Variants in LPL observed in about 807,000 individuals in gnomAD.
The protein encoded by LPL is lipoprotein lipase.
A neutral mutation model predicts 52.2 loss-of-function variants in LPL; 43 were observed. The observed-to-expected ratio is 0.82, with a 90% CI of 0.64 to 1.06. The LOEUF is 1.06. Ranked by LOEUF, LPL falls within the 50% of genes least tolerant of loss-of-function variation. LPL has a pLI of 0.00. For synonymous variants in LPL, 244 were observed against 215.6 expected (o/e 1.13, Z -1.15); for missense variants, 639 against 585.3 (o/e 1.09, Z -0.95).
chr8:19,951,627 T>C (rs2069934742), intron 2 of LPL, 142 bp from the exon 3 acceptor site: 3 of 914,464 alleles, frequency 3.3e-6, no homozygotes, highest in African/African-American at 3.2e-5. Context: ...CTGAACACTG[T>C]TCTGTTATTT....
intron 2 of LPL, 93 bp downstream of exon 2, chr8:19,948,433 C>A: frequency 2.9e-6 from 4 of 1,377,434 alleles, no homozygotes; most frequent in Non-Finnish European, 3.0e-6. Context: ...TGGGTCCGCA[C>A]CCCACATCTC....
chr8:19,953,277 T>G, intron 3 of LPL, 33 bp from the exon 4 acceptor site: 1 of 1,326,898 alleles, frequency 7.5e-7, no homozygotes, highest in Non-Finnish European at 1.1e-6. Flanking sequence ...TTGGCAGAAC[T>G]GTAAGCACCT....
chr8:19,940,939 A>G (rs1563563394), intron 1 of LPL, among the ~76,000 whole-genome samples: 1 of 151,608 alleles, frequency 6.6e-6, no homozygotes, highest in Non-Finnish European at 1.5e-5. Context: ...AAAAAAAAAT[A>G]CAAAAATTAG....
chr8:19,949,703 G>A (rs764563432), intron 2 of LPL, among the ~76,000 whole-genome samples: 1 of 152,104 alleles, frequency 6.6e-6, no homozygotes, highest in African/African-American at 2.4e-5. Context: ...GGCTGGTCTC[G>A]AACTCCTGAC....
intron 2 of LPL, among the ~76,000 whole-genome samples, chr8:19,948,870 G>A (rs6991305): frequency 0.011 from 1,603 of 151,670 alleles, 29 homozygotes; most frequent in African/African-American, 0.037. Context: ...TGCACTAGAT[G>A]TCCCTAAAAA....
rs1391147126 is a variant in LPL at position 19,950,649 on chromosome 8, A to G, written c.250-1120A>G. Among the ~76,000 whole-genome samples, 1 of 152,078 alleles carries G rather than the reference A, an allele frequency of 6.6e-6. No homozygotes were observed. Among genetic ancestry groups the G allele is most frequent in the East Asian group, 1.9e-4 (1 of 5,176 alleles). On this transcript the variant is annotated intron_variant, in intron 2 of 9. Transcript: ENST00000650287. This position sits in a 1 kb window ranked among gnomAD's most constrained non-coding sequence, Gnocchi z 4.2. The stretch of plus-strand genomic sequence containing the variant: ...ACCCAATCTCTACTAAAAAAATACA[A>G]AAAAATTAGCCAGGTGTGGTGGTAT...
At chr8:19,947,192 AT>A (rs1394028365) in intron 1 of LPL, among the ~76,000 whole-genome samples, 9 of 152,120 alleles carry the variant, frequency 5.9e-5, no homozygotes, top group Non-Finnish European at 1.0e-4. Flanking sequence ...TCTTTAAAAA[AT>A]TTTTTTTAAA....
chr8:19,940,841 A>G lies in LPL; in HGVS notation c.88+1313A>G, dbSNP rs879881473. 2.0e-4 allele frequency among the ~76,000 whole-genome samples: 31 copies of G among 152,242 alleles called. 2 individuals are homozygous for G. The highest frequency in any genetic ancestry group is 3.8e-4 in the Non-Finnish European group (26 of 68,040). On this transcript the variant is annotated intron_variant, in intron 1 of 9. Coordinates refer to ENST00000650287, the MANE Select transcript of LPL (RefSeq NM_000237.3). ...AGCAGTGGCTCACCCATGTAGTCCCAGCACTTCGGGAGGCCGAGGCCGGAA... is the reference window on the plus strand; with the variant it reads ...AGCAGTGGCTCACCCATGTAGTCCCGGCACTTCGGGAGGCCGAGGCCGGAA...
chr8:19,958,079 G>T (rs1286723464), intron 6 of LPL, among the ~76,000 whole-genome samples: 1 of 151,348 alleles, frequency 6.6e-6, no homozygotes, highest in East Asian at 2.0e-4. Context: ...GAGTGCAGCG[G>T]CGCAATCTTA....
chr8:19,963,359 C>T (rs1309341860), intron 9 of LPL, among the ~76,000 whole-genome samples: 2 of 150,142 alleles, frequency 1.3e-5, no homozygotes, highest in Non-Finnish European at 2.9e-5. Context: ...TTGCTTGAAC[C>T]GGGGAGGCAG....
rs2069808118 is a variant in LPL at position 19,939,363 on chromosome 8, G to T, written c.-78G>T. On this transcript the variant is annotated 5_prime_UTR_variant, in exon 1 of 10. Transcript: ENST00000650287. The surrounding 1 kb of genome is among the most constrained non-coding windows in gnomAD (Gnocchi z 4.0). The stretch of plus-strand genomic sequence containing the variant: ...TGCTCAGCGCCAAACCGCGGCTCCA[G>T]CCCTCTCCAGCCTCCGGCTCAGCCG... The T allele has an allele frequency of 7.0e-7, 1 of 1,430,144 alleles. No homozygotes were observed. Among genetic ancestry groups the T allele is most frequent in the Non-Finnish European group, 9.6e-7 (1 of 1,041,824 alleles). 88.6% of individuals were successfully genotyped at this position (1,430,144 alleles called of 1,614,324 possible). A position where few individuals can be genotyped will look rare whatever the true frequency, so the allele number is the denominator to read the frequency against.
intron 1 of LPL, among the ~76,000 whole-genome samples, chr8:19,942,646 G>C (rs2069850486): frequency 6.6e-6 from 1 of 152,190 alleles, no homozygotes; most frequent in Non-Finnish European, 1.5e-5. Context: ...CTTTGCAAAA[G>C]TTGAAGGCTC....
At chr8:19,942,230 C>T (rs2069847103) in intron 1 of LPL, among the ~76,000 whole-genome samples, 1 of 152,134 alleles carries the variant, frequency 6.6e-6, no homozygotes, top group African/African-American at 2.4e-5. Flanking sequence ...GAGTTTACTG[C>T]CTTATGCCAG....
rs183619366 is a variant in LPL at position 19,967,113 on chromosome 8, A to G, written c.*1803A>G. 2 of 148,964 alleles carry G rather than the reference A, an allele frequency of 1.3e-5. No individual in the cohort carries two copies. The highest frequency in any genetic ancestry group is 5.1e-5 in the African/African-American group (2 of 39,534). The allele number at this position is 148,964 out of a possible 1,614,324, so 9.2% of individuals were successfully genotyped here. ...TCTGCATTTATAAATGTGTGGTGCT[A>G]ACTGTATGTGTCTTTATCAGTGATG... On this transcript the variant is annotated 3_prime_UTR_variant, in exon 10 of 10. Transcript: ENST00000650287.
At chr8:19,958,575 A>AT (rs374752507) in intron 6 of LPL, among the ~76,000 whole-genome samples, 2 of 151,672 alleles carry the variant, frequency 1.3e-5, no homozygotes, top group African/African-American at 2.4e-5. Flanking sequence ...TTTAAAAAAA[A>AT]TTTTATTTAT....
chr8:19,941,684 C>T (rs991213984), intron 1 of LPL, among the ~76,000 whole-genome samples: 4 of 152,218 alleles, frequency 2.6e-5, no homozygotes, highest in African/African-American at 9.6e-5. Context: ...CATGCCTCTC[C>T]CATCACAGCA....
chr8:19,947,889 T>C (rs531857401), intron 1 of LPL, among the ~76,000 whole-genome samples: 4 of 151,996 alleles, frequency 2.6e-5, no homozygotes, highest in Non-Finnish European at 5.9e-5. Context: ...TTAGTTGAAA[T>C]CACAAACGTA....
intron 8 of LPL, 137 bp from the exon 9 acceptor site, chr8:19,961,978 A>T: frequency 1.4e-6 from 1 of 695,688 alleles, no homozygotes; most frequent in Non-Finnish European, 2.6e-6. Context: ...TGAGTGTGAC[A>T]GTTAATTATT....
intron 1 of LPL, among the ~76,000 whole-genome samples, chr8:19,942,896 GTGAGCCTA>G (rs1193471995): frequency 2.0e-5 from 3 of 152,242 alleles, no homozygotes; most frequent in Non-Finnish European, 4.4e-5. Flanking sequence ...TCTGCCGGAA[GTGAGCCTA>G]TTAAACTTGT....
Sources: gnomAD v4.1 joint callset for allele counts (sites outside exome capture counted in the v4.1 genomes callset) on GRCh38, gnomAD v4.1.1 for gene constraint, Gnocchi (gnomAD v3.1) non-coding constraint, MANE v1.5 for transcripts, NCBI Gene and HGNC (gene_info 2026-07-23, HGNC 2026-07-21) for gene names.